Variants in ARHGEF28 observed in about 807,000 individuals in gnomAD.
The protein encoded by ARHGEF28 is Rho guanine nucleotide exchange factor 28, also known as 190 kDa guanine nucleotide exchange factor.
Under a neutral mutation model 206.6 loss-of-function variants are expected in ARHGEF28, and 152 were observed. The observed-to-expected ratio is 0.74, with a 90% CI of 0.64 to 0.84. The LOEUF is 0.84. ARHGEF28 is among the 40% of genes least tolerant of loss of function. ARHGEF28 has a pLI of 0.00. For synonymous variants in ARHGEF28, 763 were observed against 776.4 expected (o/e 0.98, Z 0.29); for missense variants, 2,028 against 2,073.2 (o/e 0.98, Z 0.42).
rs140052842 is a variant in ARHGEF28 at position 73,866,958 on chromosome 5, G to T, written c.2153-918G>T. Among the ~76,000 whole-genome samples the T allele has an allele frequency of 5.4e-3, 816 of 152,226 alleles. 12 individuals carry two copies. The highest frequency in any genetic ancestry group is 0.015 in the African/African-American group (632 of 41,538). On this transcript the variant is annotated intron_variant, in intron 18 of 35. Transcript: ENST00000513042. ...CAAATTTGTGGCAACATGCTATTGG[G>T]TGTAATGTTATATTAGGTTAAGTTG...
At chr5:73,720,671 G>A (rs1415601545) in intron 2 of ARHGEF28, among the ~76,000 whole-genome samples, 1 of 152,200 alleles carries the variant, frequency 6.6e-6, no homozygotes, top group African/African-American at 2.4e-5. Context: ...GAAGAAAGGC[G>A]TGAAGGAGAG....
At chr5:73,652,144 G>A (rs1043981193) in intron 1 of ARHGEF28, among the ~76,000 whole-genome samples, 1 of 152,120 alleles carries the variant, frequency 6.6e-6, no homozygotes, top group East Asian at 1.9e-4. Flanking sequence ...TTAAGTGCTA[G>A]GGAATGGGGT....
chr5:73,933,168 C>T lies in ARHGEF28; in HGVS notation c.4949-7676C>T, dbSNP rs1339982801. Among the ~76,000 whole-genome samples, 5 of 149,848 alleles carry T rather than the reference C, an allele frequency of 3.3e-5. No individual in the cohort carries two copies. The East Asian group carries it at 9.9e-4, about 30-fold the overall frequency. Reference sequence around the variant, plus strand: ...TTTAAATGAACTCAAATTTAAAAGACTGGAGAATAGAAATCCAAATTCCAA... The same window carrying T: ...TTTAAATGAACTCAAATTTAAAAGATTGGAGAATAGAAATCCAAATTCCAA... On this transcript the variant is annotated intron_variant, in intron 35 of 35. Coordinates refer to ENST00000513042, the MANE Select transcript of ARHGEF28 (RefSeq NM_001177693.2).
At chr5:73,914,693 G>A (rs150655329) in intron 35 of ARHGEF28, among the ~76,000 whole-genome samples, 5 of 151,740 alleles carry the variant, frequency 3.3e-5, no homozygotes, top group Non-Finnish European at 4.4e-5. Context: ...CACCACACCC[G>A]GGCTAAATTA....
At position 73,695,622 on chromosome 5, in the gene ARHGEF28, A is replaced by G. The variant is rs141018561; in HGVS notation, c.33+10738A>G. Among the ~76,000 whole-genome samples the G allele has an allele frequency of 1.4e-3, 219 of 152,272 alleles. 1 individual carries two copies. Among genetic ancestry groups the G allele is most frequent in the African/African-American group, 5.2e-3 (214 of 41,542 alleles). Reference sequence around the variant, plus strand: ...TCTGTTACCATCCCACCACTCTCCCAGGTGTCCTGCTTTAAGTTGAGTTTT... The same window carrying G: ...TCTGTTACCATCCCACCACTCTCCCGGGTGTCCTGCTTTAAGTTGAGTTTT... On this transcript the variant is annotated intron_variant, in intron 2 of 35. Transcript: ENST00000513042.
Position 73,749,931 on chromosome 5 carries a change from A to T in ARHGEF28, c.128A>T (p.His43Leu). 2 of 1,614,052 alleles carry T rather than the reference A, an allele frequency of 1.2e-6. No individual in the cohort carries two copies. Among genetic ancestry groups the T allele is most frequent in the Non-Finnish European group, 1.7e-6 (2 of 1,179,902 alleles). Residue 43 changes from histidine to leucine, a missense_variant, in exon 3 of 36, where the codon CAT becomes CTT. Physicochemically the swap from His to Leu is moderately conservative, Grantham distance 99. This residue lies in a region of ARHGEF28 where 1,002 missense variants were observed against 1,015.3 expected (regional missense o/e 0.99). Coordinates refer to ENST00000513042, the MANE Select transcript of ARHGEF28 (RefSeq NM_001177693.2). ...YFTYDGSHQR[H>L]VMIAERIEDN... is the part of the protein sequence containing the mutation. ...ACTTATGACGGATCTCATCAGCGAC[A>T]TGTCATGATTGCAGAGCGCATCGAG... is the stretch of plus-strand genomic sequence containing the variant.
At position 73,836,964 on chromosome 5, in the gene ARHGEF28, G is replaced by T. The variant is rs1458209026; in HGVS notation, c.1147-3516G>T. The stretch of plus-strand genomic sequence containing the variant: ...TTAGCACATTTGTTGAAGATTAATT[G>T]ACTGTATTTATGTGTGGGTTTATTT... On this transcript the variant is annotated intron_variant, in intron 10 of 35. Coordinates refer to ENST00000513042, the MANE Select transcript of ARHGEF28 (RefSeq NM_001177693.2). Among the ~76,000 whole-genome samples, 3 of 152,144 alleles carry T rather than the reference G, an allele frequency of 2.0e-5. No individual in the cohort carries two copies. In the East Asian group the frequency reaches 5.8e-4, roughly 29 times the overall value.
intron 2 of ARHGEF28, among the ~76,000 whole-genome samples, chr5:73,733,666 G>T (rs1407816610): frequency 1.3e-5 from 2 of 151,926 alleles, no homozygotes; most frequent in Admixed American, 1.3e-4. Flanking sequence ...AAGGAATGAT[G>T]GAATTAGAAA....
At chr5:73,933,826 C>T (rs535458078) in intron 35 of ARHGEF28, among the ~76,000 whole-genome samples, 1 of 151,938 alleles carries the variant, frequency 6.6e-6, no homozygotes, top group East Asian at 1.9e-4. Context: ...TGTAACATAA[C>T]CACAATATGA....
chr5:73,732,066 C>A (rs1055444150), intron 2 of ARHGEF28, among the ~76,000 whole-genome samples: 2 of 147,614 alleles, frequency 1.4e-5, no homozygotes, highest in Non-Finnish European at 3.0e-5. Context: ...GACACATCAT[C>A]ATCATCGAAA....
At chr5:73,891,607 C>T (rs1220371245) in intron 26 of ARHGEF28, among the ~76,000 whole-genome samples, 1 of 151,786 alleles carries the variant, frequency 6.6e-6, no homozygotes, top group Non-Finnish European at 1.5e-5. Context: ...TCACTGCAAC[C>T]TCTGCCTCCC....
intron 1 of ARHGEF28, among the ~76,000 whole-genome samples, chr5:73,666,693 A>T (rs1291472800): frequency 6.6e-6 from 1 of 152,252 alleles, no homozygotes; most frequent in South Asian, 2.1e-4. Context: ...TGCAGCCAGC[A>T]GAGTGGCCAT....
rs1176079847 is a variant in ARHGEF28, at chr5:73,857,576, CACACACACACAT to C, written c.1791-69_1791-58del. ...ATACATATATGTGTACACACACACA[CACACACACACAT>C]ACACACACACGTATATGCTATTCTT... On this transcript the variant is annotated intron_variant, in intron 14 of 35. Transcript: ENST00000513042. The C allele has an allele frequency of 8.6e-6, 12 of 1,402,390 alleles. No individual in the cohort carries two copies. The East Asian group carries it at 2.5e-4, about 29-fold the overall frequency. The allele number at this position is 1,402,390 out of a possible 1,614,324, so 86.9% of individuals were successfully genotyped here.
intron 33 of ARHGEF28, among the ~76,000 whole-genome samples, chr5:73,905,602 T>A (rs1361166100): frequency 6.6e-6 from 1 of 152,200 alleles, no homozygotes; most frequent in African/African-American, 2.4e-5. Flanking sequence ...CTGTGCACTC[T>A]TCTGTAACAT....
intron 2 of ARHGEF28, among the ~76,000 whole-genome samples, chr5:73,725,171 C>T (rs1750198696): frequency 6.6e-6 from 1 of 152,080 alleles, no homozygotes; most frequent in South Asian, 2.1e-4. Context: ...TTTTCTGTGT[C>T]ATTAAATATT....
intron 9 of ARHGEF28, among the ~76,000 whole-genome samples, chr5:73,817,060 G>T (rs1443702503): frequency 6.6e-6 from 1 of 152,180 alleles, no homozygotes; most frequent in Non-Finnish European, 1.5e-5. Flanking sequence ...CTTTACCCAA[G>T]GTTCTCATAA....
intron 2 of ARHGEF28, among the ~76,000 whole-genome samples, chr5:73,726,770 ATGT>A (rs1750299102): frequency 6.6e-6 from 1 of 152,190 alleles, no homozygotes; most frequent in Non-Finnish European, 1.5e-5. Context: ...TAAGCACTTA[ATGT>A]TGTCACCAGC....
chr5:73,898,051 G>A lies in ARHGEF28; in HGVS notation c.3931G>A (p.Asp1311Asn), dbSNP rs1357221886. Residue 1311 changes from aspartate to asparagine, a missense_variant, in exon 30 of 36, where the codon GAC becomes AAC. Asp to Asn is a conservative substitution (Grantham distance 23). Around this residue, in one of 3 missense-constraint regions of ARHGEF28, gnomAD observed 803 missense variants for 768.0 expected, o/e 1.05. Transcript: ENST00000513042. ...EDSCGDSVLADTLSSHDVPGS... is the reference protein window; with the variant it reads ...EDSCGDSVLANTLSSHDVPGS... ...CAGTTGTGGAGACTCTGTCTTGGCG[G>A]ACACACTCAGTTCTCATGATGTACC... The A allele has an allele frequency of 2.5e-6, 4 of 1,611,578 alleles. No homozygotes were observed. The highest frequency in any genetic ancestry group is 3.4e-6 in the Non-Finnish European group (4 of 1,179,006).
chr5:73,853,581 T>C (rs1758836255), intron 14 of ARHGEF28, among the ~76,000 whole-genome samples: 2 of 152,120 alleles, frequency 1.3e-5, no homozygotes. Context: ...AACTTTCAAA[T>C]GATACAAAAG....
Sources: allele counts gnomAD v4.1 joint callset (sites outside exome capture counted in the v4.1 genomes callset), GRCh38; gene constraint gnomAD v4.1.1; regional missense constraint gnomAD v4.1.1; transcripts MANE v1.5; gene names NCBI Gene and HGNC (gene_info 2026-07-23, HGNC 2026-07-21).